Variants in BNC2 observed in about 807,000 individuals in gnomAD.
The protein encoded by BNC2 is basonuclin zinc finger protein 2.
In BNC2, 20 loss-of-function variants were observed where a neutral mutation model predicts 76.3. The ratio of observed to expected loss-of-function variants is 0.26; its 90% CI spans 0.18 to 0.38. BNC2 has a LOEUF of 0.38. Among genes scored for constraint, BNC2 ranks in the 10% least tolerant of loss-of-function variants. The pLI, the probability that BNC2 is intolerant of heterozygous loss-of-function variation, is 1.00. For synonymous variants in BNC2, 582 were observed against 514.8 expected (o/e 1.13, Z -1.77); for missense variants, 1,382 against 1,399.8 (o/e 0.99, Z 0.20).
At chr9:16,448,973 T>A (rs958899892) in intron 5 of BNC2, among the ~76,000 whole-genome samples, 7 of 152,176 alleles carry the variant, frequency 4.6e-5, no homozygotes, top group African/African-American at 7.2e-5. Flanking sequence ...ACTATCAACG[T>A]AGAGATTATA....
chr9:16,825,617 G>A (rs907559463), intron 1 of BNC2, among the ~76,000 whole-genome samples: 14 of 151,978 alleles, frequency 9.2e-5, no homozygotes, highest in African/African-American at 3.4e-4. Context: ...TCTTCCTGGG[G>A]AGGAGGAGGA....
intron 6 of BNC2, chr9:16,429,573 T>C (rs763314685): frequency 5.4e-6 from 1 of 183,498 alleles, no homozygotes; most frequent in African/African-American, 2.4e-5. Flanking sequence ...CTCAGATATT[T>C]TGGCCTGAAT....
chr9:16,498,157 T>C, intron 5 of BNC2, among the ~76,000 whole-genome samples: 1 of 144,692 alleles, frequency 6.9e-6, no homozygotes, highest in South Asian at 2.2e-4. Flanking sequence ...ATATATTCCA[T>C]CATATATATA....
intron 5 of BNC2, among the ~76,000 whole-genome samples, chr9:16,443,497 G>A (rs888001125): frequency 6.6e-6 from 1 of 151,692 alleles, no homozygotes; most frequent in African/African-American, 2.4e-5. Context: ...AGCCTACCTA[G>A]CTTAAGTATT....
At chr9:16,447,850 C>A (rs1385465324) in intron 5 of BNC2, among the ~76,000 whole-genome samples, 1 of 152,056 alleles carries the variant, frequency 6.6e-6, no homozygotes, top group Non-Finnish European at 1.5e-5. Flanking sequence ...TTTCGGAAAT[C>A]TTTGCAGCTC....
chr9:16,552,003 G>C (rs1490514673), intron 5 of BNC2, among the ~76,000 whole-genome samples: 2 of 152,122 alleles, frequency 1.3e-5, no homozygotes, highest in African/African-American at 4.8e-5. Flanking sequence ...TATCATGTGA[G>C]GGTTTACTGG....
chr9:16,473,023 G>A (rs1446959794), intron 5 of BNC2, among the ~76,000 whole-genome samples: 2 of 152,274 alleles, frequency 1.3e-5, no homozygotes, highest in Admixed American at 6.5e-5. Context: ...GGAGACAACA[G>A]TGGAAAAGGA....
intron 5 of BNC2, among the ~76,000 whole-genome samples, chr9:16,495,246 C>T (rs1184754735): frequency 1.3e-5 from 2 of 152,128 alleles, no homozygotes; most frequent in African/African-American, 2.4e-5. Context: ...CTTGGCCTAA[C>T]ATGAGAGAGG....
intron 5 of BNC2, among the ~76,000 whole-genome samples, chr9:16,503,354 G>A (rs1822560745): frequency 6.6e-6 from 1 of 152,114 alleles, no homozygotes; most frequent in Admixed American, 6.5e-5. Flanking sequence ...ATGTGCAGAA[G>A]GAGACAAATT....
intron 3 of BNC2, among the ~76,000 whole-genome samples, chr9:16,680,935 A>C (rs865905685): frequency 3.3e-5 from 5 of 152,200 alleles, no homozygotes; most frequent in African/African-American, 4.8e-5. Flanking sequence ...ACACAGAGTA[A>C]ACCAATCAAA....
chr9:16,580,440 T>A (rs529997779), intron 4 of BNC2, among the ~76,000 whole-genome samples: 2 of 152,240 alleles, frequency 1.3e-5, no homozygotes, highest in East Asian at 3.9e-4. Context: ...CCTAGAAACA[T>A]AGAATTTTTA....
At chr9:16,767,434 G>A (rs533363824) in intron 1 of BNC2, among the ~76,000 whole-genome samples, 2 of 152,308 alleles carry the variant, frequency 1.3e-5, no homozygotes, top group South Asian at 4.1e-4. Context: ...ATATGGGAGA[G>A]AAAACTCAAA....
rs571772668 is a variant in BNC2, at chr9:16,720,971, C to A, written c.330+6826G>T. Among the ~76,000 whole-genome samples the A allele has an allele frequency of 1.0e-3, 158 of 152,342 alleles. 7 individuals are homozygous for A. The South Asian group carries it at 0.031, about 30-fold the overall frequency. On this transcript the variant is annotated intron_variant, in intron 3 of 6. Coordinates refer to ENST00000380672, the MANE Select transcript of BNC2 (RefSeq NM_017637.6). ...AGGGTTTGAATGTACACTGTGAAAT[C>A]TGCGAGGCTTCCTACAGGGAACGCA...
chr9:16,620,550 T>C (rs1820837674), intron 3 of BNC2, among the ~76,000 whole-genome samples: 1 of 152,142 alleles, frequency 6.6e-6, no homozygotes, highest in Admixed American at 6.6e-5. Context: ...CTGAAACTTC[T>C]ACATACAGCA....
chr9:16,756,580 T>A (rs1205130046), intron 1 of BNC2, among the ~76,000 whole-genome samples: 1 of 152,222 alleles, frequency 6.6e-6, no homozygotes, highest in Admixed American at 6.5e-5. Flanking sequence ...AACCATCTTA[T>A]CACCTTCTCA....
At chr9:16,448,858 C>G (rs16934681) in intron 5 of BNC2, among the ~76,000 whole-genome samples, 9,189 of 152,236 alleles carry the variant, frequency 0.06, 304 homozygotes, top group Middle Eastern at 0.12. Flanking sequence ...TTTGATTGCT[C>G]AGATTAAATG....
intron 1 of BNC2, among the ~76,000 whole-genome samples, chr9:16,770,423 C>T (rs1354437268): frequency 6.6e-6 from 1 of 152,156 alleles, no homozygotes; most frequent in Non-Finnish European, 1.5e-5. Context: ...CTGACATCGA[C>T]ATCTCTAAAT....
intron 3 of BNC2, among the ~76,000 whole-genome samples, chr9:16,651,232 G>T (rs1563880594): frequency 6.6e-6 from 1 of 152,162 alleles, no homozygotes; most frequent in Non-Finnish European, 1.5e-5. Context: ...CTATCAGGTA[G>T]ATATTACATC....
At chr9:16,745,542 G>A (rs1419665253) in intron 1 of BNC2, among the ~76,000 whole-genome samples, 1 of 152,104 alleles carries the variant, frequency 6.6e-6, no homozygotes, top group Non-Finnish European at 1.5e-5. Context: ...ACCCTACCAG[G>A]TTCTCGCAAT....
Sources: gnomAD v4.1 joint callset for allele counts (sites outside exome capture counted in the v4.1 genomes callset) on GRCh38, gnomAD v4.1.1 for gene constraint, MANE v1.5 for transcripts, NCBI Gene and HGNC (gene_info 2026-07-23, HGNC 2026-07-21) for gene names.